FDX1: variants seen among roughly 807,000 people sequenced by gnomAD.
FDX1 encodes the protein adrenodoxin, mitochondrial.
A neutral mutation model predicts 14.9 loss-of-function variants in FDX1; 9 were observed. The observed-to-expected ratio is 0.60, with a 90% confidence interval of 0.36 to 1.05. The LOEUF (loss-of-function observed/expected upper bound fraction) is 1.05, where lower values mean the gene tolerates loss of function less well. Ranked by LOEUF, FDX1 falls within the 50% of genes least tolerant of loss-of-function variation. FDX1 has a pLI of 0.01. For synonymous variants in FDX1, 92 were observed against 99.4 expected, an observed-to-expected ratio of 0.93 and a Z score of 0.44; for missense variants, 204 against 237.2, an observed-to-expected ratio of 0.86 and a Z score of 0.92.
intron 2 of FDX1, among the ~76,000 whole-genome samples, chr11:110,442,735 G>C (rs957702294): frequency 6.6e-6 from 1 of 152,298 alleles, no homozygotes; most frequent in African/African-American, 2.4e-5. Flanking sequence ...ATGCTGAAAA[G>C]AGTTAAGACT....
chr11:110,446,000 T>C (rs537576643), intron 2 of FDX1, among the ~76,000 whole-genome samples: 1 of 152,314 alleles, frequency 6.6e-6, no homozygotes, highest in South Asian at 2.1e-4. Flanking sequence ...GAAAATTTAA[T>C]GTAAATTTAA....
chr11:110,453,145 T>C (rs1009963485), intron 2 of FDX1, among the ~76,000 whole-genome samples: 2 of 152,130 alleles, frequency 1.3e-5, no homozygotes, highest in African/African-American at 4.8e-5. Flanking sequence ...GAGACCAGCC[T>C]GGACAACATG....
intron 2 of FDX1, among the ~76,000 whole-genome samples, chr11:110,445,191 T>G (rs1199912232): frequency 6.6e-6 from 1 of 152,204 alleles, no homozygotes; most frequent in African/African-American, 2.4e-5. Context: ...TTTAAACATT[T>G]ATTTAAATGG....
intron 2 of FDX1, among the ~76,000 whole-genome samples, chr11:110,456,509 CTTTTTT>C (rs11463993): frequency 8.4e-5 from 7 of 83,810 alleles, no homozygotes; most frequent in Admixed American, 1.6e-4. Context: ...TTTATGTATT[CTTTTTT>C]TTTTTTTTTT....
At chr11:110,438,210 CT>C (rs770767924) in intron 2 of FDX1, among the ~76,000 whole-genome samples, 1 of 152,176 alleles carries the variant, frequency 6.6e-6, no homozygotes, top group Non-Finnish European at 1.5e-5. Context: ...CTCCAAACTG[CT>C]TTCCACAGCA....
intron 2 of FDX1, among the ~76,000 whole-genome samples, chr11:110,444,733 T>TATAC: frequency 1.5e-5 from 1 of 66,922 alleles, no homozygotes; most frequent in African/African-American, 7.3e-5. Flanking sequence ...CGTATATATA[T>TATAC]ATATATATAT....
At chr11:110,433,880 C>A (rs570157266) in intron 1 of FDX1, among the ~76,000 whole-genome samples, 1 of 152,076 alleles carries the variant, frequency 6.6e-6, no homozygotes, top group Non-Finnish European at 1.5e-5. Flanking sequence ...TGATAACTTT[C>A]GAGATAGTTA....
intron 2 of FDX1, among the ~76,000 whole-genome samples, chr11:110,456,509 C>CTTTTTTTTTTTGTTTTT: frequency 1.2e-5 from 1 of 83,804 alleles, no homozygotes; most frequent in Non-Finnish European, 2.2e-5. Flanking sequence ...TTTATGTATT[C>CTTTTTTTTTTTGTTTTT]TTTTTTTTTT....
chr11:110,436,213 T>C (rs4754454), intron 2 of FDX1, among the ~76,000 whole-genome samples: 42,704 of 152,000 alleles, frequency 0.28, 6,100 homozygotes, highest in East Asian at 0.37. Flanking sequence ...ATATGTGTGA[T>C]ACAAAGCCGA....
intron 2 of FDX1, among the ~76,000 whole-genome samples, chr11:110,444,928 C>CT (rs984886419): frequency 1.8e-4 from 28 of 151,428 alleles, no homozygotes; most frequent in African/African-American, 6.3e-4. Context: ...CTGGGCAAAG[C>CT]TAAGAACCTT....
intron 3 of FDX1, among the ~76,000 whole-genome samples, chr11:110,457,528 G>C (rs989533312): frequency 1.3e-5 from 2 of 151,994 alleles, no homozygotes; most frequent in African/African-American, 2.4e-5. Flanking sequence ...TTAATTAATA[G>C]TTACTCTTAA....
Position 110,457,031 on chromosome 11 carries a change from T to C in FDX1, c.424T>C (p.Tyr142His). ...GGAGAATGACATGCTCGATCTGGCA[T>C]ATGGACTAACAGACAGGTAAGATTT... ...DEENDMLDLA[Y>H]GLTDRSRLGC... is the part of the protein sequence containing the mutation. The change falls in exon 3 of 4, where the codon TAT becomes CAT. Residue 142 changes from tyrosine to histidine, a missense_variant. Physicochemically the swap from Tyr to His is moderately conservative, Grantham distance 83. Coordinates refer to ENST00000260270, the MANE Select transcript of FDX1 (RefSeq NM_004109.5). 1 of 1,612,536 alleles carries C rather than the reference T, an allele frequency of 6.2e-7. No homozygotes were observed. Among genetic ancestry groups the C allele is most frequent in the Non-Finnish European group, 8.5e-7 (1 of 1,179,014 alleles).
chr11:110,443,283 T>G (rs1247224451), intron 2 of FDX1, among the ~76,000 whole-genome samples: 4 of 139,582 alleles, frequency 2.9e-5, no homozygotes, highest in Non-Finnish European at 6.2e-5. Flanking sequence ...CGCTACCTTT[T>G]TTTTTTCTGT....
chr11:110,439,991 A>T (rs1165454732), intron 2 of FDX1, among the ~76,000 whole-genome samples: 8 of 151,980 alleles, frequency 5.3e-5, no homozygotes, highest in South Asian at 2.1e-4. Context: ...TTCTAGATGT[A>T]TGGCTTTATT....
chr11:110,434,725 G>GTTTTTTT (rs56907322), intron 1 of FDX1, among the ~76,000 whole-genome samples: 13 of 105,700 alleles, frequency 1.2e-4, no homozygotes, highest in Admixed American at 3.1e-4. Context: ...GACTTTTTTT[G>GTTTTTTT]TTTTTTTTTT....
chr11:110,454,605 T>G (rs1946510268), intron 2 of FDX1, among the ~76,000 whole-genome samples: 1 of 152,172 alleles, frequency 6.6e-6, no homozygotes, highest in South Asian at 2.1e-4. Context: ...CCTCTTATGT[T>G]TACAAATAAA....
intron 3 of FDX1, among the ~76,000 whole-genome samples, chr11:110,457,378 A>G (rs1946529073): frequency 6.6e-6 from 1 of 151,430 alleles, no homozygotes; most frequent in Non-Finnish European, 1.5e-5. Context: ...TATATTTGAT[A>G]ATTGAACACA....
intron 3 of FDX1, 21 bp downstream of exon 3, chr11:110,457,068 C>T: frequency 6.3e-7 from 1 of 1,597,236 alleles, no homozygotes; most frequent in Non-Finnish European, 8.6e-7. Context: ...TGGACTGCTT[C>T]AATTGTAATA....
chr11:110,438,774 G>A (rs772444840), intron 2 of FDX1, among the ~76,000 whole-genome samples: 5 of 151,796 alleles, frequency 3.3e-5, no homozygotes, highest in African/African-American at 9.7e-5. Context: ...ACTTCTGCCC[G>A]CTTTTTAATG....
Sources: allele counts gnomAD v4.1 joint callset (sites outside exome capture counted in the v4.1 genomes callset), GRCh38; gene constraint gnomAD v4.1.1; transcripts MANE v1.5; gene names NCBI Gene and HGNC (gene_info 2026-07-23, HGNC 2026-07-21).